The following MAP1LC3C variants were observed in gnomAD, a reference collection of about 807,000 sequenced individuals.
MAP1LC3C encodes microtubule-associated protein 1 light chain 3 gamma.
In MAP1LC3C, 12 loss-of-function variants were observed where a neutral mutation model predicts 10.4. That is an observed-to-expected ratio of 1.15 (90% CI 0.74 to 1.86). The LOEUF (loss-of-function observed/expected upper bound fraction) is 1.86, where lower values mean the gene tolerates loss of function less well. Among genes scored for constraint, MAP1LC3C ranks in the 40% most tolerant of loss-of-function variants. The pLI is 0.00. For synonymous variants in MAP1LC3C, 70 were observed against 69.0 expected (o/e 1.01, Z -0.07); for missense variants, 177 against 185.7 (o/e 0.95, Z 0.27).
At chr1:241,998,391 A>T (rs1665129475) in intron 3 of MAP1LC3C, 123 bp downstream of exon 3, 1 of 732,256 alleles carries the variant, frequency 1.4e-6, no homozygotes, top group Non-Finnish European at 2.3e-6. Flanking sequence ...CTTCAAAAAA[A>T]TCTCTTTCCT....
At position 241,995,964 on chromosome 1, in the gene MAP1LC3C, A is replaced by G. The variant is rs1665075429; in HGVS notation, c.*199T>C. 2.0e-6 allele frequency: 1 copy of G among 491,532 alleles called. No individual in the cohort carries two copies. Among genetic ancestry groups the G allele is most frequent in the Non-Finnish European group, 3.6e-6 (1 of 277,416 alleles). The allele number at this position is 491,532 out of a possible 1,614,324, so 30.4% of individuals were successfully genotyped here. ...TATATAACTTTCAAGAGCAGCCCAC[A>G]TTTTTCTTAGAAGGACACAAGAACA... On this transcript the variant is annotated 3_prime_UTR_variant, in exon 4 of 4. Transcript: ENST00000357246.
chr1:241,997,437 C>T (rs1264683925), intron 3 of MAP1LC3C, among the ~76,000 whole-genome samples: 1 of 152,086 alleles, frequency 6.6e-6, no homozygotes, highest in East Asian at 1.9e-4. Flanking sequence ...GGAGGATCGC[C>T]TGAGCCCAGA....
In MAP1LC3C at chr1:241,996,312, C is replaced by T. The variant is rs55813237; in HGVS notation, c.295G>A (p.Ala99Thr). The stretch of plus-strand genomic sequence containing the variant: ...TCTCTGTAGATCTCTGCCATGGTTG[C>T]GCTCATGCTGACCAGGCTCTTGTTG... Reference protein sequence around the residue: ...VNNKSLVSMSATMAEIYRDYK... With the variant: ...VNNKSLVSMSTTMAEIYRDYK... Residue 99 changes from alanine to threonine, a missense_variant, in exon 4 of 4, where the codon GCA becomes ACA. By Grantham distance (58) the Ala-to-Thr change is moderately conservative. Coordinates refer to ENST00000357246, the MANE Select transcript of MAP1LC3C (RefSeq NM_001004343.3). 0.01 allele frequency: 16,163 copies of T among 1,613,982 alleles called. 115 individuals carry two copies. The highest frequency in any genetic ancestry group is 0.03 in the Middle Eastern group (180 of 6,062).
chr1:241,997,114 C>G (rs2049066), intron 3 of MAP1LC3C, among the ~76,000 whole-genome samples: 137,371 of 151,506 alleles, frequency 0.91, 62,618 homozygotes, highest in Non-Finnish European at 0.97. Context: ...GGCCAGGCTG[C>G]TCTTGAACTC....
upstream of MAP1LC3C, among the ~76,000 whole-genome samples, chr1:242,000,315 A>G (rs1220984431): frequency 6.6e-6 from 1 of 152,190 alleles, no homozygotes; most frequent in African/African-American, 2.4e-5. Context: ...ATCTCAGCTC[A>G]CTGCAATCTC....
Position 241,996,287 on chromosome 1 carries a change from T to C in MAP1LC3C, c.320A>G (p.Asp107Gly). Residue 107 changes from aspartate to glycine, a missense_variant, in exon 4 of 4, where the codon GAC becomes GGC. Transcript: ENST00000357246. ...CACGAAGCCATCCTCATCCTTGTAGTCTCTGTAGATCTCTGCCATGGTTGC... is the reference window on the plus strand; with the variant it reads ...CACGAAGCCATCCTCATCCTTGTAGCCTCTGTAGATCTCTGCCATGGTTGC... ...MSATMAEIYR[D>G]YKDEDGFVYM... 6.2e-7 allele frequency: 1 copy of C among 1,614,144 alleles called. No homozygotes were observed. The highest frequency in any genetic ancestry group is 2.2e-5 in the East Asian group (1 of 44,880).
In MAP1LC3C at chr1:241,996,195, T is replaced by C. The variant is rs111755040; in HGVS notation, c.412A>G (p.Ser138Gly). The C allele has an allele frequency of 6.2e-7, 1 of 1,614,102 alleles. No individual in the cohort carries two copies. Among genetic ancestry groups the C allele is most frequent in the South Asian group, 1.1e-5 (1 of 91,072 alleles). The change falls in exon 4 of 4, where the codon AGC becomes GGC. Residue 138 changes from serine to glycine, a missense_variant. Ser to Gly is a moderately conservative substitution (Grantham distance 56, BLOSUM62 0). Transcript: ENST00000357246. ...GGATTGCAGGGTCTGTCCTCAAGGC[T>C]GCTCCCATCCCTGGGGGCTGCTGAC... is the stretch of plus-strand genomic sequence containing the variant. ...LESAAPRDGS[S>G]LEDRPCNPL
chr1:241,998,662 G>A, intron 2 of MAP1LC3C, 42 bp from the exon 3 acceptor site: 1 of 1,608,016 alleles, frequency 6.2e-7, no homozygotes, highest in Non-Finnish European at 8.5e-7. Context: ...CTCAGCGTGA[G>A]TGTTAGGAAC....
chr1:241,998,126 G>A (rs776379516), intron 3 of MAP1LC3C, among the ~76,000 whole-genome samples: 16 of 147,722 alleles, frequency 1.1e-4, no homozygotes, highest in Non-Finnish European at 8.9e-5. Context: ...AGGTTCAAGC[G>A]ATTCTCCTGC....
chr1:241,998,039 T>C (rs1359115619), intron 3 of MAP1LC3C, among the ~76,000 whole-genome samples: 1 of 148,200 alleles, frequency 6.7e-6, no homozygotes, highest in Admixed American at 6.7e-5. Context: ...TTTTTTTTTT[T>C]TTTTGAGACA....
At chr1:241,999,744 G>A (rs1216422132), upstream of MAP1LC3C, among the ~76,000 whole-genome samples, 2 of 152,276 alleles carry the variant, frequency 1.3e-5, 1 homozygote, top group East Asian at 3.9e-4. Flanking sequence ...AGGATGCGGA[G>A]GTTGTAGTGA....
upstream of MAP1LC3C, among the ~76,000 whole-genome samples, chr1:242,000,246 T>C (rs60505317): frequency 1.4e-4 from 22 of 152,258 alleles, no homozygotes; most frequent in East Asian, 4.3e-3. Flanking sequence ...GTTTGTTGTT[T>C]TTTTGCTTGT....
upstream of MAP1LC3C, among the ~76,000 whole-genome samples, chr1:242,001,295 A>G (rs1042781875): frequency 1.3e-5 from 2 of 149,334 alleles, no homozygotes; most frequent in African/African-American, 4.9e-5. Flanking sequence ...ATAAAAATAA[A>G]AAAAGACACT....
At chr1:241,998,332 A>G (rs1042326650) in intron 3 of MAP1LC3C, among the ~76,000 whole-genome samples, 182 bp downstream of exon 3, 6 of 152,152 alleles carry the variant, frequency 3.9e-5, no homozygotes, top group African/African-American at 1.4e-4. Flanking sequence ...TTTAAAATAG[A>G]GTAATTCTAA....
rs913343535 is a variant in MAP1LC3C at position 241,995,753 on chromosome 1, T to C, written c.*410A>G. Reference sequence around the variant, plus strand: ...GGCCAACATGGTGAAACCCCGTCTCTACTAAAAATACAAAAATTAGCCTGG... The same window carrying C: ...GGCCAACATGGTGAAACCCCGTCTCCACTAAAAATACAAAAATTAGCCTGG... On this transcript the variant is annotated 3_prime_UTR_variant, in exon 4 of 4. Transcript: ENST00000357246. The C allele has an allele frequency of 1.9e-5, 3 of 155,948 alleles. No homozygotes were observed. The highest frequency in any genetic ancestry group is 7.2e-5 in the African/African-American group (3 of 41,512). 9.7% of individuals were successfully genotyped at this position (155,948 alleles called of 1,614,324 possible).
rs988782412 is a variant in MAP1LC3C, at chr1:241,995,851, G to A, written c.*312C>T. The A allele has an allele frequency of 7.1e-5, 14 of 196,804 alleles. No individual in the cohort carries two copies. Among genetic ancestry groups the A allele is most frequent in the Non-Finnish European group, 1.2e-4 (12 of 96,518 alleles). The allele number at this position is 196,804 out of a possible 1,614,324, so 12.2% of individuals were successfully genotyped here. ...GAAGAATCACTTGAACCCAGGAGGC[G>A]GAGGTTGCAGTGAGCCAAGATCATG... On this transcript the variant is annotated 3_prime_UTR_variant, in exon 4 of 4. Coordinates refer to ENST00000357246, the MANE Select transcript of MAP1LC3C (RefSeq NM_001004343.3).
At position 241,998,681 on chromosome 1, in the gene MAP1LC3C, G is replaced by C. The variant is rs557252609; in HGVS notation, c.115-61C>G. On this transcript the variant is annotated intron_variant, in intron 2 of 3. Coordinates refer to ENST00000357246, the MANE Select transcript of MAP1LC3C (RefSeq NM_001004343.3). Reference sequence around the variant, plus strand: ...GCGTGAGTGTTAGGAACTTGGAACAGACAGAGGGAAGCTGTTGGCTGCTCT... The same window carrying C: ...GCGTGAGTGTTAGGAACTTGGAACACACAGAGGGAAGCTGTTGGCTGCTCT... 92 of 1,608,438 alleles carry C rather than the reference G, an allele frequency of 5.7e-5. 1 individual carries two copies. The African/African-American group carries it at 1.1e-3, about 20-fold the overall frequency.
At chr1:241,999,785 G>A (rs563574986), upstream of MAP1LC3C, among the ~76,000 whole-genome samples, 5 of 152,066 alleles carry the variant, frequency 3.3e-5, no homozygotes, top group East Asian at 1.9e-4. Flanking sequence ...CTCCAGCCTC[G>A]GCAACAAGAG....
intron 3 of MAP1LC3C, among the ~76,000 whole-genome samples, chr1:241,997,740 T>C (rs1307126532): frequency 6.6e-6 from 1 of 151,864 alleles, no homozygotes; most frequent in Non-Finnish European, 1.5e-5. Flanking sequence ...AAGGGAGGAG[T>C]GTGTTTGGGG....
Sources: gnomAD v4.1 joint callset for allele counts (sites outside exome capture counted in the v4.1 genomes callset) on GRCh38, gnomAD v4.1.1 for gene constraint, MANE v1.5 for transcripts, NCBI Gene and HGNC (gene_info 2026-07-23, HGNC 2026-07-21) for gene names.